The following KLHDC4 variants were observed in gnomAD, a reference collection of about 807,000 sequenced individuals.
KLHDC4 encodes kelch domain-containing protein 4.
A neutral mutation model predicts 62.4 loss-of-function variants in KLHDC4; 90 were observed. The observed-to-expected ratio is 1.44, with a 90% CI of 1.22 to 1.72. The LOEUF (loss-of-function observed/expected upper bound fraction) is 1.72. Ranked by LOEUF, KLHDC4 falls within the 40% of genes most tolerant of loss-of-function variation. The probability of loss-of-function intolerance (pLI) is 0.00; values close to 1 mark genes in which losing one functional copy is unlikely to be tolerated. For synonymous variants in KLHDC4, 386 were observed against 284.4 expected, an observed-to-expected ratio of 1.36 and a Z score of -3.59; for missense variants, 1,025 against 699.7, an observed-to-expected ratio of 1.47 and a Z score of -5.25.
At chr16:87,760,927 G>A (rs1023462782) in intron 2 of KLHDC4, among the ~76,000 whole-genome samples, 1 of 152,012 alleles carries the variant, frequency 6.6e-6, no homozygotes, top group African/African-American at 2.4e-5. Flanking sequence ...CAGCTACTTG[G>A]AAGGCTGAGG....
Position 87,712,914 on chromosome 16 carries a change from G to A in KLHDC4, c.836-1471C>T, listed in dbSNP as rs536006877. Among the ~76,000 whole-genome samples the A allele has an allele frequency of 3.9e-5, 6 of 152,338 alleles. No homozygotes were observed. In the South Asian group the frequency reaches 8.3e-4, roughly 21 times the overall value. On this transcript the variant is annotated intron_variant, in intron 8 of 11. Transcript: ENST00000270583. ...AGCCACAGCCTCCCATAAGAGAGCT[G>A]TCCCCTGGTTTCCTAACGGCACTGG...
At chr16:87,751,342 C>A (rs1485853592) in intron 4 of KLHDC4, among the ~76,000 whole-genome samples, 1 of 152,086 alleles carries the variant, frequency 6.6e-6, no homozygotes, top group East Asian at 1.9e-4. Flanking sequence ...GACGTGGTGG[C>A]ATGCGCCTGT....
chr16:87,705,585 CAA>C (rs200766159), downstream of KLHDC4, among the ~76,000 whole-genome samples: 923 of 152,362 alleles, frequency 6.1e-3, 28 homozygotes, highest in Admixed American at 0.051. Flanking sequence ...TGGGTTGATT[CAA>C]AAGTCTCTTT....
chr16:87,753,950 G>T (rs928412720), intron 4 of KLHDC4, among the ~76,000 whole-genome samples: 3 of 144,492 alleles, frequency 2.1e-5, no homozygotes, highest in African/African-American at 7.8e-5. Context: ...TCTTACCTGG[G>T]TGACAGCAAG....
intron 5 of KLHDC4, among the ~76,000 whole-genome samples, chr16:87,747,128 G>A (rs1001105196): frequency 6.6e-6 from 1 of 152,244 alleles, no homozygotes; most frequent in Non-Finnish European, 1.5e-5. Context: ...AAAGCCTGAA[G>A]GCACGAGAGA....
intron 5 of KLHDC4, 99 bp from the exon 6 acceptor site, chr16:87,730,743 C>G (rs1347055363): frequency 9.9e-7 from 1 of 1,006,176 alleles, no homozygotes; most frequent in African/African-American, 1.6e-5. Flanking sequence ...ACACTGATTT[C>G]TGTTTTGTGA....
downstream of KLHDC4, among the ~76,000 whole-genome samples, chr16:87,706,562 A>G (rs1011229367): frequency 2.0e-5 from 3 of 152,192 alleles, no homozygotes; most frequent in Non-Finnish European, 4.4e-5. Flanking sequence ...CCACCAGGGA[A>G]GAGGCAGTGC....
At chr16:87,752,329 CT>C (rs2044135290) in intron 4 of KLHDC4, among the ~76,000 whole-genome samples, 1 of 140,746 alleles carries the variant, frequency 7.1e-6, no homozygotes, top group East Asian at 2.1e-4. Flanking sequence ...ATCCACAGCA[CT>C]GTTTTTTCTT....
At chr16:87,722,901 G>C (rs2038673767) in intron 7 of KLHDC4, among the ~76,000 whole-genome samples, 1 of 152,270 alleles carries the variant, frequency 6.6e-6, no homozygotes, top group Non-Finnish European at 1.5e-5. Flanking sequence ...TGAAATGTGA[G>C]GTGAGGGTGG....
At chr16:87,731,495 G>C (rs893052197) in intron 5 of KLHDC4, among the ~76,000 whole-genome samples, 1 of 151,918 alleles carries the variant, frequency 6.6e-6, no homozygotes, top group African/African-American at 2.4e-5. Flanking sequence ...ATGAAAAAAG[G>C]AAAGATGCCC....
At position 87,758,857 on chromosome 16, in the gene KLHDC4, G is replaced by A. The variant is rs116164161; in HGVS notation, c.192-2380C>T. 6.0e-3 allele frequency among the ~76,000 whole-genome samples: 909 copies of A among 152,054 alleles called. 10 individuals are homozygous for A. The highest frequency in any genetic ancestry group is 0.021 in the African/African-American group (854 of 41,428). On this transcript the variant is annotated intron_variant, in intron 2 of 11. Transcript: ENST00000270583. ...CACAGCGACATGAAGTAATTCCACTGAACTGCACAGTTTTAATGATTAAAA... is the reference window on the plus strand; with the variant it reads ...CACAGCGACATGAAGTAATTCCACTAAACTGCACAGTTTTAATGATTAAAA...
intron 7 of KLHDC4, among the ~76,000 whole-genome samples, chr16:87,714,862 T>C (rs1378935695): frequency 1.3e-5 from 2 of 152,196 alleles, no homozygotes; most frequent in Non-Finnish European, 2.9e-5. Context: ...CCCTGGTCTG[T>C]GTGGAAACCA....
exon 1 of KLHDC4, chr16:87,699,990 CG>C (rs1274513383): frequency 6.6e-6 from 1 of 152,260 alleles, no homozygotes; most frequent in African/African-American, 2.4e-5. Flanking sequence ...ACTCCTTCCC[CG>C]GGAGGTTTTA....
At chr16:87,741,571 G>A (rs147587590) in intron 5 of KLHDC4, among the ~76,000 whole-genome samples, 74 of 152,278 alleles carry the variant, frequency 4.9e-4, no homozygotes, top group African/African-American at 1.5e-3. Flanking sequence ...CCCCACCAGC[G>A]GTGGAAAAAC....
intron 5 of KLHDC4, among the ~76,000 whole-genome samples, chr16:87,731,746 C>T (rs531622639): frequency 7.2e-4 from 110 of 152,342 alleles, no homozygotes; most frequent in African/African-American, 2.5e-3. Flanking sequence ...TCCACACAGA[C>T]GGACATGCAC....
intron 5 of KLHDC4, among the ~76,000 whole-genome samples, chr16:87,746,916 C>A (rs1282358720): frequency 6.6e-6 from 1 of 152,194 alleles, no homozygotes; most frequent in Non-Finnish European, 1.5e-5. Flanking sequence ...CAATCCAGAC[C>A]CAGGGCAGCT....
chr16:87,726,961 A>C, intron 6 of KLHDC4, 37 bp from the exon 7 acceptor site: 2 of 1,607,570 alleles, frequency 1.2e-6, no homozygotes, highest in Non-Finnish European at 1.7e-6. Flanking sequence ...GGTCCGTAAC[A>C]TTGGGAAAAG....
intron 8 of KLHDC4, 43 bp downstream of exon 8, chr16:87,714,455 C>A: frequency 6.2e-7 from 1 of 1,611,738 alleles, no homozygotes; most frequent in East Asian, 2.2e-5. Flanking sequence ...TCCCGCCACA[C>A]ACAGACCAGC....
At chr16:87,715,707 C>T (rs925280277) in intron 7 of KLHDC4, among the ~76,000 whole-genome samples, 7 of 152,230 alleles carry the variant, frequency 4.6e-5, no homozygotes, top group Admixed American at 2.6e-4. Flanking sequence ...CATCTCATCA[C>T]ATCCCATCAA....
Sources: gnomAD v4.1 joint callset for allele counts (sites outside exome capture counted in the v4.1 genomes callset) on GRCh38, gnomAD v4.1.1 for gene constraint, MANE v1.5 for transcripts, NCBI Gene and HGNC (gene_info 2026-07-23, HGNC 2026-07-21) for gene names.